The following ANKS1B variants were observed in gnomAD, a reference collection of about 807,000 sequenced individuals.
ANKS1B encodes ankyrin repeat and sterile alpha motif domain containing 1B.
ANKS1B carries 36 observed loss-of-function variants against 148.3 expected under a neutral mutation model. The ratio of observed to expected loss-of-function variants is 0.24; its 90% CI spans 0.19 to 0.32. The LOEUF is 0.32. Ranked by LOEUF, ANKS1B falls within the 10% of genes least tolerant of loss-of-function variation. ANKS1B has a pLI of 1.00. For missense variants in ANKS1B, 1,157 were observed against 1,542.6 expected (o/e 0.75, Z 4.19); for synonymous variants, 542 against 560.8 (o/e 0.97, Z 0.47).
chr12:99,668,689 G>C (rs2098521633), intron 8 of ANKS1B, among the ~76,000 whole-genome samples: 1 of 150,640 alleles, frequency 6.6e-6, no homozygotes, highest in Non-Finnish European at 1.5e-5. Context: ...TTTCATTCAA[G>C]TTAGAAATTT....
chr12:99,628,157 A>C (rs754986449), intron 9 of ANKS1B, among the ~76,000 whole-genome samples: 1 of 152,142 alleles, frequency 6.6e-6, no homozygotes, highest in Non-Finnish European at 1.5e-5. Context: ...AATACTGTAG[A>C]CGATTGTCTA....
chr12:98,828,768 G>C (rs1163076709), intron 19 of ANKS1B, among the ~76,000 whole-genome samples: 1 of 152,188 alleles, frequency 6.6e-6, no homozygotes, highest in Non-Finnish European at 1.5e-5. Context: ...GTATAGACTT[G>C]GGAGGAAATT....
At chr12:99,714,757 A>G (rs1238967622) in intron 8 of ANKS1B, among the ~76,000 whole-genome samples, 1 of 152,038 alleles carries the variant, frequency 6.6e-6, no homozygotes, top group Non-Finnish European at 1.5e-5. Context: ...TTGAAATTAG[A>G]CTGATAAATA....
At chr12:99,137,485 G>A (rs12809348) in intron 15 of ANKS1B, among the ~76,000 whole-genome samples, 2,719 of 152,172 alleles carry the variant, frequency 0.018, 38 homozygotes, top group Non-Finnish European at 0.029. Flanking sequence ...TGGAGGGGAA[G>A]GAAAGCAGAG....
chr12:99,749,720 AT>A (rs2060929540), intron 8 of ANKS1B, among the ~76,000 whole-genome samples: 2 of 152,016 alleles, frequency 1.3e-5, no homozygotes, highest in Admixed American at 6.6e-5. Flanking sequence ...ATAAAATCTA[AT>A]TTTCCTTAAG....
At chr12:99,437,437 T>C (rs2095479696) in intron 11 of ANKS1B, among the ~76,000 whole-genome samples, 1 of 152,020 alleles carries the variant, frequency 6.6e-6, no homozygotes, top group Admixed American at 6.6e-5. Context: ...ATGCTCATTA[T>C]GCTAAAAATC....
At position 99,505,644 on chromosome 12, in the gene ANKS1B, G is replaced by GTA. The variant is rs200505663; in HGVS notation, c.1273-1005_1273-1004dup. On this transcript the variant is annotated intron_variant, in intron 9 of 26. Transcript: ENST00000683438. ...GCATATTTATATATTATATATATAT[G>GTA]TATATATATATAATGTGCTAAATGC... is the stretch of plus-strand genomic sequence containing the variant. Among the ~76,000 whole-genome samples the GTA allele has an allele frequency of 3.7e-3, 548 of 147,224 alleles. 6 individuals carry two copies. The highest frequency in any genetic ancestry group is 9.4e-3 in the African/African-American group (381 of 40,518).
chr12:99,464,782 T>C (rs1207979698), intron 10 of ANKS1B, among the ~76,000 whole-genome samples: 1 of 152,074 alleles, frequency 6.6e-6, no homozygotes, highest in African/African-American at 2.4e-5. Flanking sequence ...CCAAGAAATA[T>C]GGGACTATGT....
chr12:99,812,390 T>C (rs2153667402), intron 2 of ANKS1B, 79 bp from the exon 3 acceptor site: 1 of 1,433,418 alleles, frequency 7.0e-7, no homozygotes, highest in South Asian at 1.4e-5. Flanking sequence ...AAAAGAATAC[T>C]AGATGCTGGG....
At chr12:98,969,526 A>G (rs527959058) in intron 17 of ANKS1B, among the ~76,000 whole-genome samples, 36 of 152,258 alleles carry the variant, frequency 2.4e-4, no homozygotes, top group Middle Eastern at 6.8e-3. Context: ...TATGAATTAT[A>G]TAAGTAAAGA....
chr12:99,635,531 G>A (rs931018839), intron 9 of ANKS1B, among the ~76,000 whole-genome samples: 19 of 152,262 alleles, frequency 1.2e-4, no homozygotes, highest in Admixed American at 2.6e-4. Context: ...ATTCCACTTA[G>A]TTGAGGTATC....
intron 9 of ANKS1B, among the ~76,000 whole-genome samples, chr12:99,539,495 T>A (rs149323733): frequency 1.6e-3 from 245 of 152,184 alleles, no homozygotes; most frequent in Non-Finnish European, 2.7e-3. Context: ...CTTAAAAATA[T>A]GTATGAAAAA....
At chr12:98,858,112 C>A (rs1044219486) in intron 17 of ANKS1B, among the ~76,000 whole-genome samples, 17 of 152,240 alleles carry the variant, frequency 1.1e-4, no homozygotes, top group African/African-American at 4.1e-4. Context: ...CTTTCTACCT[C>A]CTCCTCCGCC....
intron 1 of ANKS1B, among the ~76,000 whole-genome samples, chr12:99,859,652 T>G (rs1227244275): frequency 6.6e-6 from 1 of 151,048 alleles, no homozygotes; most frequent in Non-Finnish European, 1.5e-5. Context: ...GTTTTGTTTT[T>G]GTTTTTTTTT....
chr12:99,879,007 T>C (rs955019388), intron 1 of ANKS1B, among the ~76,000 whole-genome samples: 18 of 152,330 alleles, frequency 1.2e-4, no homozygotes, highest in African/African-American at 4.1e-4. Flanking sequence ...TTCTCCTTAA[T>C]TGACTGGTGA....
At chr12:99,781,184 G>A (rs1263511575) in intron 5 of ANKS1B, among the ~76,000 whole-genome samples, 1 of 151,996 alleles carries the variant, frequency 6.6e-6, no homozygotes, top group African/African-American at 2.4e-5. Context: ...TAATATTTAG[G>A]TGGTTTCCTC....
At chr12:99,801,821 G>A (rs1479107870) in intron 4 of ANKS1B, among the ~76,000 whole-genome samples, 1 of 152,108 alleles carries the variant, frequency 6.6e-6, no homozygotes, top group East Asian at 1.9e-4. Context: ...AAGTAGAGAG[G>A]AATTAGCCTT....
chr12:99,720,906 G>A (rs965619755), intron 8 of ANKS1B, among the ~76,000 whole-genome samples: 2 of 152,134 alleles, frequency 1.3e-5, no homozygotes, highest in African/African-American at 4.8e-5. Context: ...ATCCCAAACT[G>A]CCACTCTTAA....
At chr12:99,337,464 G>A (rs1282118840) in intron 12 of ANKS1B, among the ~76,000 whole-genome samples, 2 of 152,030 alleles carry the variant, frequency 1.3e-5, no homozygotes, top group African/African-American at 4.8e-5. Context: ...CTGTCTGAAA[G>A]GTTACATATC....
Sources: gnomAD v4.1 joint callset for allele counts (sites outside exome capture counted in the v4.1 genomes callset) on GRCh38, gnomAD v4.1.1 for gene constraint, MANE v1.5 for transcripts, NCBI Gene and HGNC (gene_info 2026-07-23, HGNC 2026-07-21) for gene names.